The following RIMS4 variants were observed in gnomAD, a reference collection of about 807,000 sequenced individuals.
The protein encoded by RIMS4 is regulating synaptic membrane exocytosis 4.
RIMS4 carries 9 observed loss-of-function variants against 29.0 expected under a neutral mutation model. The observed-to-expected ratio is 0.31, with a 90% CI of 0.19 to 0.54. The LOEUF (loss-of-function observed/expected upper bound fraction) is 0.54. RIMS4 is among the 20% of genes least tolerant of loss of function. The probability of loss-of-function intolerance (pLI) is 0.94; values close to 1 mark genes in which losing one functional copy is unlikely to be tolerated. For synonymous variants in RIMS4, 130 were observed against 152.9 expected (o/e 0.85, Z 1.10); for missense variants, 193 against 365.7 (o/e 0.53, Z 3.85).
chr20:44,780,549 G>A (rs973597982), intron 1 of RIMS4, among the ~76,000 whole-genome samples: 4 of 151,882 alleles, frequency 2.6e-5, no homozygotes, highest in African/African-American at 7.3e-5. Context: ...TCCATTTATC[G>A]AGTTGAACCA....
In RIMS4 at chr20:44,810,244, G is replaced by C. The variant is rs1348588696; in HGVS notation, c.28C>G (p.Leu10Val). The change falls in exon 1 of 6, where the codon CTG becomes GTG. Residue 10 changes from leucine (L) to valine (V), a missense_variant. Coordinates refer to ENST00000372851, the MANE Select transcript of RIMS4 (RefSeq NM_182970.4). MERSQSRLSLSASFEALAIY... is the reference protein window; with the variant it reads MERSQSRLSVSASFEALAIY... Reference sequence around the variant, plus strand: ...GCGAGCGCCTCGAAGGAGGCGGACAGACTGAGGCGGCTCTGCGAGCGCTCC... The same window carrying C: ...GCGAGCGCCTCGAAGGAGGCGGACACACTGAGGCGGCTCTGCGAGCGCTCC... 2 of 1,541,168 alleles carry C rather than the reference G, an allele frequency of 1.3e-6. No homozygotes were observed. The highest frequency in any genetic ancestry group is 1.7e-4 in the Middle Eastern group (1 of 5,726).
chr20:44,798,768 G>T (rs1568906739), intron 1 of RIMS4, among the ~76,000 whole-genome samples: 1 of 152,216 alleles, frequency 6.6e-6, no homozygotes, highest in African/African-American at 2.4e-5. Flanking sequence ...CCAGGATCTG[G>T]CTGAAGTTAG....
chr20:44,772,626 TG>T, intron 1 of RIMS4, among the ~76,000 whole-genome samples: 1 of 152,344 alleles, frequency 6.6e-6, no homozygotes, highest in Non-Finnish European at 1.5e-5. Context: ...GTCTGCTCCC[TG>T]CTCCATGGCC....
chr20:44,756,794 G>C lies in RIMS4; in HGVS notation c.591+104C>G, dbSNP rs563637990. 8.6e-7 allele frequency: 1 copy of C among 1,161,452 alleles called. No homozygotes were observed. Among genetic ancestry groups the C allele is most frequent in the South Asian group, 2.1e-5 (1 of 48,774 alleles). The allele number at this position is 1,161,452 out of a possible 1,614,324, so 71.9% of individuals were successfully genotyped here. On this transcript the variant is annotated intron_variant, in intron 5 of 5. Coordinates refer to ENST00000372851, the MANE Select transcript of RIMS4 (RefSeq NM_182970.4). The surrounding 1 kb of genome is among the most constrained non-coding windows in gnomAD (Gnocchi z 5.9). Reference sequence around the variant, plus strand: ...GCCTCGCCTGTTTCCTCCAGGCGAGGCCCTCCAGAGACACCCCCCGCCAGG... The same window carrying C: ...GCCTCGCCTGTTTCCTCCAGGCGAGCCCCTCCAGAGACACCCCCCGCCAGG...
At chr20:44,757,639 C>T (rs1192291964) in intron 4 of RIMS4, 31 bp downstream of exon 4, 3 of 1,567,378 alleles carry the variant, frequency 1.9e-6, no homozygotes, top group Admixed American at 3.3e-5. Context: ...GACCTCCACC[C>T]CCACCTTGCA....
chr20:44,775,956 A>G (rs984953586), intron 1 of RIMS4, among the ~76,000 whole-genome samples: 5 of 152,238 alleles, frequency 3.3e-5, no homozygotes, highest in Non-Finnish European at 5.9e-5. Flanking sequence ...TTCATAAATA[A>G]ATCACAGCTT....
intron 2 of RIMS4, among the ~76,000 whole-genome samples, chr20:44,765,016 C>A (rs1489444357): frequency 2.0e-5 from 3 of 152,142 alleles, no homozygotes; most frequent in Non-Finnish European, 4.4e-5. Context: ...ACTGATAGTA[C>A]TATTTATCAA....
intron 2 of RIMS4, among the ~76,000 whole-genome samples, chr20:44,765,740 T>C (rs1172548957): frequency 1.3e-5 from 2 of 152,132 alleles, no homozygotes; most frequent in Non-Finnish European, 2.9e-5. Context: ...TCTGCTTCCC[T>C]GGGCTGTGGA....
In RIMS4 at chr20:44,758,843, T is replaced by C. The variant is rs528494055; in HGVS notation, c.237-659A>G. On this transcript the variant is annotated intron_variant, in intron 2 of 5. Transcript: ENST00000372851. ...CAGACTTGAGCCTGAGATGCAGGAC[T>C]GGAGCTTCTGGTGCTATGTAGCTAC... 1.1e-4 allele frequency among the ~76,000 whole-genome samples: 17 copies of C among 152,338 alleles called. 1 individual carries two copies. Among genetic ancestry groups the C allele is most frequent in the Admixed American group, 6.5e-4 (10 of 15,302 alleles).
intron 1 of RIMS4, among the ~76,000 whole-genome samples, chr20:44,804,917 C>G (rs2066292117): frequency 6.6e-6 from 1 of 152,170 alleles, no homozygotes; most frequent in South Asian, 2.1e-4. Flanking sequence ...AGCAGACCTG[C>G]AGACCAGTGA....
intron 1 of RIMS4, among the ~76,000 whole-genome samples, chr20:44,789,210 C>A (rs1473362774): frequency 2.0e-5 from 3 of 152,074 alleles, no homozygotes; most frequent in African/African-American, 7.2e-5. Context: ...ATATTTTTTA[C>A]CTCCCAAATC....
At chr20:44,786,452 C>G (rs150254802) in intron 1 of RIMS4, among the ~76,000 whole-genome samples, 1 of 152,326 alleles carries the variant, frequency 6.6e-6, no homozygotes, top group African/African-American at 2.4e-5. Flanking sequence ...TCCTGCTGCA[C>G]CCTGTATTTG....
Position 44,807,250 on chromosome 20 carries a change from C to T in RIMS4, c.97+2925G>A, listed in dbSNP as rs1123402. On this transcript the variant is annotated intron_variant, in intron 1 of 5. Transcript: ENST00000372851. ...AATGACCAGCATCCTGGGCCCACGG[C>T]GGGCTAGAAAGAGGTGTGAAGAAGG... 6.6e-5 allele frequency among the ~76,000 whole-genome samples: 10 copies of T among 152,154 alleles called. No individual in the cohort carries two copies. In the East Asian group the frequency reaches 1.4e-3, roughly 21 times the overall value.
chr20:44,788,356 T>C (rs1337698392), intron 1 of RIMS4, among the ~76,000 whole-genome samples: 4 of 152,226 alleles, frequency 2.6e-5, no homozygotes, highest in Non-Finnish European at 5.9e-5. Context: ...ATTTTCATCA[T>C]TGCAGAAATG....
intron 3 of RIMS4, 41 bp from the exon 4 acceptor site, chr20:44,757,812 G>A: frequency 1.9e-6 from 3 of 1,550,574 alleles, no homozygotes; most frequent in Non-Finnish European, 2.7e-6. Flanking sequence ...AAATGGTTCA[G>A]AAGCTCAAGC....
At chr20:44,808,676 C>A (rs914258344) in intron 1 of RIMS4, among the ~76,000 whole-genome samples, 3 of 152,172 alleles carry the variant, frequency 2.0e-5, no homozygotes, top group Non-Finnish European at 1.5e-5. Flanking sequence ...TACCCCCATC[C>A]CCACCTCCAG....
chr20:44,784,800 CT>C (rs1451707757), intron 1 of RIMS4, among the ~76,000 whole-genome samples: 3 of 152,230 alleles, frequency 2.0e-5, no homozygotes, highest in African/African-American at 7.2e-5. Flanking sequence ...CCCTTGGTTG[CT>C]TTTCTCTCTC....
intron 1 of RIMS4, among the ~76,000 whole-genome samples, chr20:44,793,055 T>G (rs919024970): frequency 1.3e-5 from 2 of 151,974 alleles, no homozygotes; most frequent in African/African-American, 4.8e-5. Context: ...ACCACCAGGA[T>G]GGGGGTAGGG....
chr20:44,795,905 T>C (rs766831760), intron 1 of RIMS4, among the ~76,000 whole-genome samples: 1 of 151,906 alleles, frequency 6.6e-6, no homozygotes, highest in Admixed American at 6.6e-5. Context: ...ATCTGGAAAA[T>C]ACAAAAAAAG....
Sources: gnomAD v4.1 joint callset for allele counts (sites outside exome capture counted in the v4.1 genomes callset) on GRCh38, gnomAD v4.1.1 for gene constraint, Gnocchi (gnomAD v3.1) non-coding constraint, MANE v1.5 for transcripts, NCBI Gene and HGNC (gene_info 2026-07-23, HGNC 2026-07-21) for gene names.